Variants in CCDC7 observed in about 807,000 individuals in gnomAD.
CCDC7 encodes coiled-coil domain containing 7, also known as coiled-coil domain-containing protein 7.
A neutral mutation model predicts 196.9 loss-of-function variants in CCDC7; 183 were observed. The observed-to-expected ratio is 0.93, with a 90% CI of 0.82 to 1.05. The LOEUF (loss-of-function observed/expected upper bound fraction) is 1.05. CCDC7 is among the 50% of genes least tolerant of loss of function. The pLI is 0.00. For synonymous variants in CCDC7, 525 were observed against 484.6 expected, an observed-to-expected ratio of 1.08 and a Z score of -1.10; for missense variants, 1,540 against 1,482.2, an observed-to-expected ratio of 1.04 and a Z score of -0.64.
chr10:32,740,864 C>A (rs767735928), intron 28 of CCDC7, among the ~76,000 whole-genome samples: 20 of 151,660 alleles, frequency 1.3e-4, no homozygotes, highest in Non-Finnish European at 2.9e-4. Context: ...TTTATCATTT[C>A]TTTTTCTTTC....
intron 41 of CCDC7, among the ~76,000 whole-genome samples, chr10:32,867,779 G>C (rs1334522409): frequency 1.3e-5 from 2 of 151,272 alleles, no homozygotes; most frequent in African/African-American, 2.4e-5. Context: ...ATTACATAAA[G>C]TTTGCCATTT....
At chr10:32,843,241 T>C (rs1450828565) in intron 33 of CCDC7, among the ~76,000 whole-genome samples, 1 of 147,878 alleles carries the variant, frequency 6.8e-6, no homozygotes, top group Non-Finnish European at 1.5e-5. Flanking sequence ...CTTAGCTTAA[T>C]TAAAAGGCAC....
At chr10:32,699,336 G>C (rs1430524280) in intron 24 of CCDC7, among the ~76,000 whole-genome samples, 1 of 151,644 alleles carries the variant, frequency 6.6e-6, no homozygotes, top group East Asian at 2.0e-4. Flanking sequence ...AGTTTGCTGA[G>C]AATGATGGTT....
At chr10:32,827,919 C>A (rs1244046361) in intron 32 of CCDC7, among the ~76,000 whole-genome samples, 1 of 152,144 alleles carries the variant, frequency 6.6e-6, no homozygotes, top group Non-Finnish European at 1.5e-5. Flanking sequence ...AGGCATTTCC[C>A]AGATATAGGA....
At chr10:32,807,265 A>T (rs537390580) in intron 30 of CCDC7, among the ~76,000 whole-genome samples, 1 of 152,190 alleles carries the variant, frequency 6.6e-6, no homozygotes, top group South Asian at 2.1e-4. Context: ...CTCTTAATTG[A>T]TATAAAATGC....
At chr10:32,650,051 G>T (rs1564963928) in intron 20 of CCDC7, among the ~76,000 whole-genome samples, 1 of 152,196 alleles carries the variant, frequency 6.6e-6, no homozygotes, top group South Asian at 2.1e-4. Context: ...TACTAGGGAA[G>T]TAGTGGGCTC....
At chr10:32,839,664 T>C (rs1381399477) in intron 33 of CCDC7, among the ~76,000 whole-genome samples, 2 of 152,010 alleles carry the variant, frequency 1.3e-5, no homozygotes, top group African/African-American at 2.4e-5. Flanking sequence ...TTAACAGATA[T>C]CTACAGAACA....
intron 28 of CCDC7, among the ~76,000 whole-genome samples, chr10:32,760,419 A>G (rs1008873599): frequency 1.3e-5 from 2 of 151,996 alleles, no homozygotes; most frequent in African/African-American, 4.8e-5. Flanking sequence ...GCAGCCATAA[A>G]AAATGATGAG....
intron 18 of CCDC7, among the ~76,000 whole-genome samples, chr10:32,612,017 C>T (rs1030262553): frequency 4.6e-5 from 7 of 152,102 alleles, no homozygotes; most frequent in Non-Finnish European, 1.0e-4. Flanking sequence ...GACAATATGG[C>T]CATTTTCACA....
intron 41 of CCDC7, among the ~76,000 whole-genome samples, chr10:32,865,449 A>T (rs1247284712): frequency 6.6e-6 from 1 of 151,626 alleles, no homozygotes; most frequent in Non-Finnish European, 1.5e-5. Flanking sequence ...GGCTAAAGTT[A>T]TAAAGTGACA....
At chr10:32,689,641 A>T (rs2076850344) in intron 23 of CCDC7, among the ~76,000 whole-genome samples, 1 of 152,170 alleles carries the variant, frequency 6.6e-6, no homozygotes, top group Non-Finnish European at 1.5e-5. Flanking sequence ...ATGAAACAGA[A>T]TTTCTGGTAA....
intron 29 of CCDC7, among the ~76,000 whole-genome samples, chr10:32,802,288 T>A (rs577598274): frequency 6.6e-6 from 1 of 152,338 alleles, no homozygotes; most frequent in African/African-American, 2.4e-5. Context: ...GTATTATGTA[T>A]AGAGTTACTA....
At chr10:32,502,975 A>G (rs1049204408) in intron 9 of CCDC7, among the ~76,000 whole-genome samples, 5 of 152,138 alleles carry the variant, frequency 3.3e-5, no homozygotes, top group Non-Finnish European at 7.4e-5. Flanking sequence ...AATTTATAGA[A>G]ACACAACTGA....
At chr10:32,483,361 A>G (rs982239962) in intron 8 of CCDC7, among the ~76,000 whole-genome samples, 1 of 151,992 alleles carries the variant, frequency 6.6e-6, no homozygotes, top group African/African-American at 2.4e-5. Context: ...TTTCTTCTAA[A>G]TTTGTTTGAG....
At chr10:32,729,498 A>G (rs748024586) in intron 28 of CCDC7, 41 bp downstream of exon 29, 1 of 986,684 alleles carries the variant, frequency 1.0e-6, no homozygotes, top group Non-Finnish European at 1.4e-6. Flanking sequence ...GTTTTTATTA[A>G]ATTCAGGAGA....
intron 5 of CCDC7, among the ~76,000 whole-genome samples, chr10:32,467,042 T>C (rs2036938484): frequency 6.6e-6 from 1 of 152,216 alleles, no homozygotes. Flanking sequence ...TGAGCTTTTT[T>C]TCATATGATT....
intron 8 of CCDC7, among the ~76,000 whole-genome samples, chr10:32,477,301 C>G (rs959850010): frequency 3.3e-5 from 5 of 151,832 alleles, no homozygotes; most frequent in Non-Finnish European, 5.9e-5. Flanking sequence ...CCTCCCTGTT[C>G]AAGTGATTCT....
chr10:32,746,883 C>A (rs989776994), intron 28 of CCDC7, among the ~76,000 whole-genome samples: 13 of 152,224 alleles, frequency 8.5e-5, no homozygotes, highest in Non-Finnish European at 1.8e-4. Context: ...CACACAAGGA[C>A]CCCATAGCAC....
At chr10:32,551,484 C>T (rs1470551920) in intron 13 of CCDC7, among the ~76,000 whole-genome samples, 1 of 151,754 alleles carries the variant, frequency 6.6e-6, no homozygotes, top group Admixed American at 6.6e-5. Flanking sequence ...TGAGGTGTGA[C>T]CTTAGAGTGT....
Sources: gnomAD v4.1 joint callset for allele counts (sites outside exome capture counted in the v4.1 genomes callset) on GRCh38, gnomAD v4.1.1 for gene constraint, MANE v1.5 for transcripts, NCBI Gene and HGNC (gene_info 2026-07-23, HGNC 2026-07-21) for gene names.